The following ZPBP variants were observed in gnomAD, a reference collection of about 807,000 sequenced individuals.
ZPBP encodes the protein zona pellucida-binding protein 1.
ZPBP carries 26 observed loss-of-function variants against 44.8 expected under a neutral mutation model. The ratio of observed to expected loss-of-function variants is 0.58; its 90% CI spans 0.43 to 0.81. The LOEUF is 0.81. Ranked by LOEUF, ZPBP falls within the 30% of genes least tolerant of loss-of-function variation. ZPBP has a pLI of 0.00. For synonymous variants in ZPBP, 174 were observed against 153.2 expected, an observed-to-expected ratio of 1.14 and a Z score of -1.00; for missense variants, 409 against 434.0, an observed-to-expected ratio of 0.94 and a Z score of 0.51.
At chr7:49,870,175 C>A (rs184963296) in intron 2 of ZPBP, among the ~76,000 whole-genome samples, 74 of 152,088 alleles carry the variant, frequency 4.9e-4, no homozygotes, top group Middle Eastern at 3.4e-3. Context: ...CCGAGGTGGG[C>A]GGATCACGAG....
chr7:49,980,061 A>ATTATATTATAATATATATAATATAATT (rs1796741469), intron 7 of ZPBP, among the ~76,000 whole-genome samples: 1 of 88,358 alleles, frequency 1.1e-5, no homozygotes, highest in African/African-American at 4.8e-5. Context: ...ATAATTTTAT[A>ATTATATTATAATATATATAATATAATT]TTATATTATA....
At chr7:50,084,321 A>G (rs1013764957) in intron 2 of ZPBP, among the ~76,000 whole-genome samples, 1 of 151,056 alleles carries the variant, frequency 6.6e-6, no homozygotes, top group Non-Finnish European at 1.5e-5. Flanking sequence ...CCTGGATAAT[A>G]CAGTCCCAGA....
chr7:49,913,427 A>C (rs1220800158), intron 1 of ZPBP: 1 of 152,204 alleles, frequency 6.6e-6, no homozygotes, highest in African/African-American at 2.4e-5. Flanking sequence ...TGTGTTGATG[A>C]AAGAGGTAAT....
intron 6 of ZPBP, among the ~76,000 whole-genome samples, chr7:49,989,139 T>C (rs4466352): frequency 0.015 from 2,214 of 152,236 alleles, 36 homozygotes; most frequent in African/African-American, 0.05. Flanking sequence ...ATTGGAGAAA[T>C]TGGTTGTTTT....
At position 50,090,487 on chromosome 7, in the gene ZPBP, GTGTGTA is replaced by G. The variant is rs1562622295; in HGVS notation, c.128-784_128-779del. On this transcript the variant is annotated intron_variant, in intron 1 of 7. Coordinates refer to ENST00000046087, the MANE Select transcript of ZPBP (RefSeq NM_007009.3). ...TATATATTTATGTTTGTGTGTGTGT[GTGTGTA>G]TATGAGTGTATATATATGTGTATAT... Among the ~76,000 whole-genome samples, 9 of 151,126 alleles carry G rather than the reference GTGTGTA, an allele frequency of 6.0e-5. No homozygotes were observed. In the South Asian group the frequency reaches 6.2e-4, roughly 10 times the overall value.
At chr7:49,991,919 G>A (rs1797592509) in intron 6 of ZPBP, among the ~76,000 whole-genome samples, 1 of 151,680 alleles carries the variant, frequency 6.6e-6, no homozygotes, top group South Asian at 2.1e-4. Flanking sequence ...AAGAAAGAGA[G>A]GGAAAGAGGG....
chr7:50,029,281 A>T (rs2200172), intron 5 of ZPBP, among the ~76,000 whole-genome samples: 75,411 of 151,942 alleles, frequency 0.5, 19,326 homozygotes, highest in East Asian at 0.67. Context: ...AGACAGCCAC[A>T]TGCAAAATAT....
At chr7:49,935,223 T>C (rs993769386), downstream of ZPBP, among the ~76,000 whole-genome samples, 1 of 152,164 alleles carries the variant, frequency 6.6e-6, no homozygotes, top group African/African-American at 2.4e-5. Flanking sequence ...AAGAAGGCCA[T>C]GAAGCTAGGA....
chr7:49,880,950 G>A (rs530864093), intron 2 of ZPBP, among the ~76,000 whole-genome samples: 9 of 152,238 alleles, frequency 5.9e-5, no homozygotes, highest in African/African-American at 2.2e-4. Context: ...AGTTTATCTG[G>A]CTTTGGTGTG....
intron 3 of ZPBP, among the ~76,000 whole-genome samples, chr7:50,081,520 A>G (rs1439551441): frequency 6.6e-6 from 1 of 151,824 alleles, no homozygotes; most frequent in Non-Finnish European, 1.5e-5. Flanking sequence ...TAAGTGAGAA[A>G]AAGTAACTTT....
the ZPBP span, among the ~76,000 whole-genome samples, chr7:49,844,268 G>A: frequency 3.3e-5 from 5 of 152,258 alleles, no homozygotes; most frequent in South Asian, 4.2e-4. Flanking sequence ...GAAGGGCGTC[G>A]ATTCTATCCT....
chr7:49,982,043 T>C (rs1171183313), intron 7 of ZPBP, among the ~76,000 whole-genome samples: 1 of 16,392 alleles, frequency 6.1e-5, no homozygotes, highest in East Asian at 4.9e-3. Flanking sequence ...ATATGAATTA[T>C]ATAGATTATA....
intron 3 of ZPBP, among the ~76,000 whole-genome samples, chr7:50,067,713 G>A (rs763293942): frequency 1.3e-5 from 2 of 152,180 alleles, no homozygotes; most frequent in African/African-American, 2.4e-5. Flanking sequence ...CAACATAGCC[G>A]GGTTTAGAGT....
intron 7 of ZPBP, among the ~76,000 whole-genome samples, chr7:49,974,408 A>C (rs933038431): frequency 6.6e-6 from 1 of 152,210 alleles, no homozygotes. Flanking sequence ...GATGCCATAA[A>C]GTGAGAAACT....
rs572642317 is a variant in ZPBP, at chr7:49,927,430, C to T, written n.411+8321G>A. Among the ~76,000 whole-genome samples the T allele has an allele frequency of 3.3e-4, 50 of 152,296 alleles. 1 individual carries two copies. In the South Asian group the frequency reaches 0.01, roughly 32 times the overall value. ...TAGTGAGAATCTATTTCCATCAACA[C>T]CCCTCCAACCCACACACAATTCTGA... On this transcript the variant is annotated intron_variant and non_coding_transcript_variant, in intron 1 of 2. Transcript: ENST00000465922.
At chr7:49,969,880 A>G (rs1284500901) in intron 7 of ZPBP, among the ~76,000 whole-genome samples, 3 of 151,384 alleles carry the variant, frequency 2.0e-5, no homozygotes, top group Non-Finnish European at 4.4e-5. Context: ...GACAGAGACA[A>G]TGACAGTTTC....
At chr7:50,067,630 G>A (rs1291690364) in intron 3 of ZPBP, among the ~76,000 whole-genome samples, 1 of 152,176 alleles carries the variant, frequency 6.6e-6, no homozygotes, top group African/African-American at 2.4e-5. Context: ...AAATCTCTTC[G>A]GCTTGAGAAC....
chr7:50,093,099 G>T lies in ZPBP; in HGVS notation c.96C>A (p.Ile32=), dbSNP rs766586443. The change falls in exon 1 of 8, where the codon ATC becomes ATA. Residue 32 remains isoleucine (I), a synonymous_variant. Coordinates refer to ENST00000046087, the MANE Select transcript of ZPBP (RefSeq NM_007009.3). Reference sequence around the variant, plus strand: ...AGGGCACCCGCACCAGGAAGGCGGAGATAAAGAGGAGGATGGCGGCCCGAG... The same window carrying T: ...AGGGCACCCGCACCAGGAAGGCGGATATAAAGAGGAGGATGGCGGCCCGAG... ...LLSRAAILLF[I]SAFLVRVPSS... 2.5e-6 allele frequency: 4 copies of T among 1,598,766 alleles called. No homozygotes were observed. Among genetic ancestry groups the T allele is most frequent in the Non-Finnish European group, 3.4e-6 (4 of 1,172,890 alleles).
intron 1 of ZPBP, among the ~76,000 whole-genome samples, chr7:49,925,653 T>G (rs1794208530): frequency 6.6e-6 from 1 of 152,236 alleles, no homozygotes; most frequent in Non-Finnish European, 1.5e-5. Flanking sequence ...TGAAAAGTCT[T>G]CACACTTTGC....
Sources: allele counts gnomAD v4.1 joint callset (sites outside exome capture counted in the v4.1 genomes callset), GRCh38; gene constraint gnomAD v4.1.1; transcripts MANE v1.5; gene names NCBI Gene and HGNC (gene_info 2026-07-23, HGNC 2026-07-21).